Variants in CCDC33 observed in about 807,000 individuals in gnomAD.
CCDC33 encodes coiled-coil domain-containing protein 33.
In CCDC33, 94 loss-of-function variants were observed where a neutral mutation model predicts 91.9. The ratio of observed to expected loss-of-function variants is 1.02; its 90% CI spans 0.87 to 1.21. The LOEUF is 1.21. Ranked by LOEUF, CCDC33 falls within the 50% of genes most tolerant of loss-of-function variation. The probability of loss-of-function intolerance (pLI) is 0.00; values close to 1 mark genes in which losing one functional copy is unlikely to be tolerated. For missense variants in CCDC33, 940 were observed against 935.5 expected (o/e 1.00, Z -0.06); for synonymous variants, 396 against 374.5 (o/e 1.06, Z -0.66).
chr15:74,261,062 G>T (rs1396710511), intron 2 of CCDC33, among the ~76,000 whole-genome samples: 1 of 152,142 alleles, frequency 6.6e-6, no homozygotes, highest in Non-Finnish European at 1.5e-5. Context: ...CAGCTGGCAC[G>T]GGGTAGAGCT....
Position 74,272,622 on chromosome 15 carries a change from C to T in CCDC33, c.639-149C>T, listed in dbSNP as rs1302167986. On this transcript the variant is annotated intron_variant, in intron 6 of 18. Coordinates refer to ENST00000398814, the MANE Select transcript of CCDC33 (RefSeq NM_025055.5). Reference sequence around the variant, plus strand: ...TTGATGCACGCCCAGCCCAGTGGTCCCCACTTGTCGTGAGGTCCAGGCCCG... The same window carrying T: ...TTGATGCACGCCCAGCCCAGTGGTCTCCACTTGTCGTGAGGTCCAGGCCCG... 5 of 940,526 alleles carry T rather than the reference C, an allele frequency of 5.3e-6. No homozygotes were observed. In the East Asian group the frequency reaches 1.3e-4, roughly 24 times the overall value. The allele number at this position is 940,526 out of a possible 1,614,324, so 58.3% of individuals were successfully genotyped here.
intron 11 of CCDC33, among the ~76,000 whole-genome samples, chr15:74,309,455 G>A (rs1304144124): frequency 4.6e-5 from 7 of 152,164 alleles, no homozygotes; most frequent in Non-Finnish European, 5.9e-5. Flanking sequence ...GATCACAGAG[G>A]TGTTTACCTC....
chr15:74,207,696 C>T, intron 1 of CCDC33: 1 of 1,535,628 alleles, frequency 6.5e-7, no homozygotes, highest in Non-Finnish European at 8.7e-7. Context: ...ACTGTGCCCA[C>T]CTGTGCAGCC....
chr15:74,251,074 G>C (rs991095883), intron 2 of CCDC33, among the ~76,000 whole-genome samples: 2 of 152,234 alleles, frequency 1.3e-5, no homozygotes, highest in East Asian at 3.8e-4. Context: ...GCCAGTCCTT[G>C]CCTTCTCTGA....
intron 11 of CCDC33, among the ~76,000 whole-genome samples, chr15:74,327,221 T>G (rs2060327658): frequency 1.3e-5 from 2 of 151,318 alleles, no homozygotes; most frequent in African/African-American, 4.9e-5. Context: ...AGGAGTGGAG[T>G]CCAGCAGGGA....
chr15:74,225,939 A>G (rs991853541), intron 2 of CCDC33, among the ~76,000 whole-genome samples: 6 of 152,160 alleles, frequency 3.9e-5, no homozygotes, highest in African/African-American at 1.4e-4. Context: ...TGAGGCCAGC[A>G]GGTACCAGGC....
At chr15:74,240,458 C>T (rs1036790333) in intron 1 of CCDC33, among the ~76,000 whole-genome samples, 5 of 152,218 alleles carry the variant, frequency 3.3e-5, no homozygotes, top group African/African-American at 1.2e-4. Flanking sequence ...CCCTCCCAGC[C>T]TCACTGCAGG....
chr15:74,208,736 C>A, intron 1 of CCDC33: 2 of 988,084 alleles, frequency 2.0e-6, no homozygotes, highest in Non-Finnish European at 2.4e-6. Flanking sequence ...ACCCCATGTG[C>A]CTTCTCGCTG....
At chr15:74,325,256 C>T (rs1216994854) in intron 11 of CCDC33, among the ~76,000 whole-genome samples, 1 of 151,890 alleles carries the variant, frequency 6.6e-6, no homozygotes, top group Non-Finnish European at 1.5e-5. Flanking sequence ...CTGAGATTGG[C>T]CACACCCCTA....
In CCDC33 at chr15:74,236,485, A is replaced by G. The variant is rs988373174; in HGVS notation, c.-235A>G. On this transcript the variant is annotated 5_prime_UTR_variant, in exon 1 of 19. Transcript: ENST00000398814. ...ACCCACAGACCATCTCGCTGCTGAGAGATCCAGGACCTGCTCCCACCTGGC... is the reference window on the plus strand; with the variant it reads ...ACCCACAGACCATCTCGCTGCTGAGGGATCCAGGACCTGCTCCCACCTGGC... 3 of 477,514 alleles carry G rather than the reference A, an allele frequency of 6.3e-6. No individual in the cohort carries two copies. Among genetic ancestry groups the G allele is most frequent in the Admixed American group, 3.6e-5 (1 of 27,856 alleles). 29.6% of individuals were successfully genotyped at this position (477,514 alleles called of 1,614,324 possible).
intron 16 of CCDC33, chr15:74,333,350 C>T (rs1341429360): frequency 6.6e-7 from 1 of 1,523,120 alleles, no homozygotes; most frequent in Non-Finnish European, 8.9e-7. Flanking sequence ...CAGAAATGCC[C>T]AGGCCCTGCT....
At chr15:74,257,107 AG>A (rs2075889297) in intron 2 of CCDC33, among the ~76,000 whole-genome samples, 1 of 152,202 alleles carries the variant, frequency 6.6e-6, no homozygotes, top group South Asian at 2.1e-4. Context: ...CTTACTCCAG[AG>A]TCAGTTATTC....
In CCDC33 at chr15:74,331,259, CCCT is replaced by C. The variant is rs781136122; in HGVS notation, c.1739_1741del (p.Pro580del). 6.2e-7 allele frequency: 1 copy of C among 1,614,008 alleles called. No individual in the cohort carries two copies. On this transcript the variant is annotated inframe_deletion, in exon 15 of 19. Coordinates refer to ENST00000398814, the MANE Select transcript of CCDC33 (RefSeq NM_025055.5). ...ACAGGCTGCAGGACAGGAGCAAGCC[CCCT>C]CCTCTGAACAGGCAGCAGGGAAAGC...
At chr15:74,209,534 G>C in exon 2 of CCDC33, 1 of 1,186,438 alleles carries the variant, frequency 8.4e-7, no homozygotes, top group Non-Finnish European at 1.2e-6. Context: ...TGGAATTCCA[G>C]GTATGATCTA....
At chr15:74,269,441 C>A (rs1490627785) in intron 5 of CCDC33, among the ~76,000 whole-genome samples, 3 of 152,192 alleles carry the variant, frequency 2.0e-5, no homozygotes, top group Non-Finnish European at 4.4e-5. Context: ...CACATTTCTA[C>A]TCCCCTACAG....
intron 2 of CCDC33, among the ~76,000 whole-genome samples, chr15:74,223,001 A>C (rs2074657742): frequency 6.6e-6 from 1 of 151,726 alleles, no homozygotes; most frequent in South Asian, 2.1e-4. Flanking sequence ...TGGAGACTGG[A>C]ATGGTTCAAG....
At chr15:74,277,821 A>G (rs1213087560) in intron 7 of CCDC33, among the ~76,000 whole-genome samples, 1 of 152,192 alleles carries the variant, frequency 6.6e-6, no homozygotes, top group Non-Finnish European at 1.5e-5. Flanking sequence ...CTGGCTTCAT[A>G]GGCTCCATTT....
chr15:74,314,615 C>G (rs1391081436), intron 11 of CCDC33, among the ~76,000 whole-genome samples: 1 of 152,218 alleles, frequency 6.6e-6, no homozygotes, highest in Non-Finnish European at 1.5e-5. Flanking sequence ...ATCCCAGGGC[C>G]CCTCTGTGAA....
intron 7 of CCDC33, 89 bp downstream of exon 7, chr15:74,272,980 T>G: frequency 6.6e-7 from 1 of 1,519,206 alleles, no homozygotes; most frequent in Non-Finnish European, 9.0e-7. Context: ...AGCAGTTCCC[T>G]TGACTATCGA....
Sources: allele counts gnomAD v4.1 joint callset (sites outside exome capture counted in the v4.1 genomes callset), GRCh38; gene constraint gnomAD v4.1.1; transcripts MANE v1.5; gene names NCBI Gene and HGNC (gene_info 2026-07-23, HGNC 2026-07-21).